ITGAV: variants seen among roughly 807,000 people sequenced by gnomAD.
The protein encoded by ITGAV is integrin alpha-V.
ITGAV carries 76 observed loss-of-function variants against 143.8 expected under a neutral mutation model. The observed-to-expected ratio is 0.53, with a 90% CI of 0.44 to 0.64. The LOEUF is 0.64. Among genes scored for constraint, ITGAV ranks in the 30% least tolerant of loss-of-function variants. The probability of loss-of-function intolerance (pLI) is 0.00; values close to 1 mark genes in which losing one functional copy is unlikely to be tolerated. For missense variants in ITGAV, 1,193 were observed against 1,274.7 expected, an observed-to-expected ratio of 0.94 and a Z score of 0.98; for synonymous variants, 453 against 446.7, an observed-to-expected ratio of 1.01 and a Z score of -0.18.
chr2:186,627,231 C>A (rs1687698882), intron 4 of ITGAV, among the ~76,000 whole-genome samples: 1 of 152,114 alleles, frequency 6.6e-6, no homozygotes, highest in Non-Finnish European at 1.5e-5. Context: ...AGAGAAGTAG[C>A]TGCTATGACC....
At chr2:186,643,805 C>T (rs1362371639) in intron 12 of ITGAV, among the ~76,000 whole-genome samples, 2 of 151,992 alleles carry the variant, frequency 1.3e-5, no homozygotes, top group African/African-American at 2.4e-5. Flanking sequence ...TTTCCAGACT[C>T]GACAGATGAT....
intron 1 of ITGAV, among the ~76,000 whole-genome samples, chr2:186,593,524 G>A (rs1462146100): frequency 6.6e-6 from 1 of 151,744 alleles, no homozygotes; most frequent in African/African-American, 2.4e-5. Context: ...TTTAAAGATT[G>A]TATGCAGGCT....
intron 4 of ITGAV, among the ~76,000 whole-genome samples, chr2:186,627,406 G>A (rs972495208): frequency 1.3e-5 from 2 of 152,148 alleles, no homozygotes; most frequent in Non-Finnish European, 2.9e-5. Context: ...ATTAAGCACA[G>A]CTTTTCTACA....
chr2:186,595,281 G>A (rs1368635450), intron 1 of ITGAV, among the ~76,000 whole-genome samples: 1 of 152,186 alleles, frequency 6.6e-6, no homozygotes, highest in Admixed American at 6.5e-5. Context: ...AGACAAACAA[G>A]TTAGTTTATT....
chr2:186,590,107 G>C lies in ITGAV; in HGVS notation c.-232G>C, dbSNP rs577346869. 81 of 412,496 alleles carry C rather than the reference G, an allele frequency of 2.0e-4. No individual in the cohort carries two copies. The East Asian group carries it at 2.9e-3, about 15-fold the overall frequency. The allele number at this position is 412,496 out of a possible 1,614,324, so 25.6% of individuals were successfully genotyped here. A position where few individuals can be genotyped will look rare whatever the true frequency, so the allele number is the denominator to read the frequency against. Reference sequence around the variant, plus strand: ...AGCGGCGGAGCCGGAGGGAAGCAAAGGACCGTCTGCGCTGCTGTCCCCGCC... The same window carrying C: ...AGCGGCGGAGCCGGAGGGAAGCAAACGACCGTCTGCGCTGCTGTCCCCGCC... On this transcript the variant is annotated 5_prime_UTR_variant, in exon 1 of 30. Coordinates refer to ENST00000261023, the MANE Select transcript of ITGAV (RefSeq NM_002210.5).
chr2:186,606,445 A>G (rs970148315), intron 2 of ITGAV, among the ~76,000 whole-genome samples: 5 of 152,174 alleles, frequency 3.3e-5, no homozygotes, highest in African/African-American at 1.2e-4. Flanking sequence ...GTTAATTTAC[A>G]TATAGGTGAA....
chr2:186,603,295 T>C (rs1686965104), intron 2 of ITGAV, among the ~76,000 whole-genome samples: 1 of 152,218 alleles, frequency 6.6e-6, no homozygotes, highest in Non-Finnish European at 1.5e-5. Context: ...CATATTGTTA[T>C]TTCCTGCCAG....
rs1688908602 is a variant in ITGAV at position 186,666,733 on chromosome 2, C to T, written c.2196C>T (p.His732=). 1 of 1,585,614 alleles carries T rather than the reference C, an allele frequency of 6.3e-7. No homozygotes were observed. Among genetic ancestry groups the T allele is most frequent in the Non-Finnish European group, 8.6e-7 (1 of 1,168,440 alleles). The change falls in exon 22 of 30, where the codon CAC becomes CAT. Residue 732 remains histidine (H), a synonymous_variant. Coordinates refer to ENST00000261023, the MANE Select transcript of ITGAV (RefSeq NM_002210.5). The part of the protein sequence containing the change: ...QLLAGLRFSV[H]QQSEMDTSVK... ...TAGCTGGTCTTCGTTTCAGTGTGCA[C>T]CAGCAGTCAGAGATGGATACTTCTG...
At chr2:186,621,161 G>A (rs545450141) in intron 2 of ITGAV, among the ~76,000 whole-genome samples, 1 of 152,188 alleles carries the variant, frequency 6.6e-6, no homozygotes, top group South Asian at 2.1e-4. Context: ...CATTGGTCTT[G>A]TACATATATT....
intron 16 of ITGAV, 41 bp downstream of exon 16, chr2:186,654,749 G>A (rs1280922706): frequency 2.6e-6 from 2 of 779,096 alleles, no homozygotes. Flanking sequence ...TAATGATACT[G>A]CATACACAGC....
intron 1 of ITGAV, among the ~76,000 whole-genome samples, chr2:186,595,226 A>C (rs1686715628): frequency 6.6e-6 from 1 of 152,222 alleles, no homozygotes; most frequent in Non-Finnish European, 1.5e-5. Context: ...GAGTCAGCTA[A>C]ATATATTAAA....
chr2:186,662,042 C>A (rs1688762190), intron 18 of ITGAV, among the ~76,000 whole-genome samples: 1 of 152,126 alleles, frequency 6.6e-6, no homozygotes, highest in Non-Finnish European at 1.5e-5. Context: ...TGCTTCAATG[C>A]CAGCTAAGTC....
chr2:186,591,810 A>C (rs985032204), intron 1 of ITGAV, among the ~76,000 whole-genome samples: 17 of 152,200 alleles, frequency 1.1e-4, no homozygotes, highest in African/African-American at 3.9e-4. Context: ...TAGCAAGCTT[A>C]GTTTTATTTG....
intron 13 of ITGAV, 64 bp downstream of exon 13, chr2:186,646,941 TA>T: frequency 9.5e-7 from 1 of 1,052,050 alleles, no homozygotes; most frequent in Non-Finnish European, 1.3e-6. Context: ...TAGTATTAGT[TA>T]CTGTTCTTGA....
At position 186,680,098 on chromosome 2, in the gene ITGAV, T is replaced by C. The variant is rs907024721; in HGVS notation, c.*2806T>C. ...TTGTAAGTTGGCAGATCTTCCTAAGTTGCAAAATGTAATGATGAGCTTGGT... is the reference window on the plus strand; with the variant it reads ...TTGTAAGTTGGCAGATCTTCCTAAGCTGCAAAATGTAATGATGAGCTTGGT... On this transcript the variant is annotated 3_prime_UTR_variant, in exon 30 of 30. Coordinates refer to ENST00000261023, the MANE Select transcript of ITGAV (RefSeq NM_002210.5). 2 of 152,090 alleles carry C rather than the reference T, an allele frequency of 1.3e-5. No homozygotes were observed. The highest frequency in any genetic ancestry group is 3.9e-4 in the East Asian group (2 of 5,194). 9.4% of individuals were successfully genotyped at this position (152,090 alleles called of 1,614,324 possible). A position where few individuals can be genotyped will look rare whatever the true frequency, so the allele number is the denominator to read the frequency against.
At chr2:186,602,793 C>T (rs1229133284) in intron 2 of ITGAV, among the ~76,000 whole-genome samples, 1 of 150,864 alleles carries the variant, frequency 6.6e-6, no homozygotes, top group Non-Finnish European at 1.5e-5. Flanking sequence ...AGGAGAATCT[C>T]TTGAACCTGG....
chr2:186,616,252 TCTGAG>T (rs1559044011), intron 2 of ITGAV, among the ~76,000 whole-genome samples: 2 of 151,350 alleles, frequency 1.3e-5, no homozygotes, highest in Non-Finnish European at 2.9e-5. Flanking sequence ...TATTTGCAGC[TCTGAG>T]TCAATGATAT....
chr2:186,660,127 A>G (rs1308781756), intron 18 of ITGAV, among the ~76,000 whole-genome samples: 1 of 152,078 alleles, frequency 6.6e-6, no homozygotes, highest in Non-Finnish European at 1.5e-5. Flanking sequence ...GCTTTCATAT[A>G]TGGGTTATGG....
At chr2:186,654,623 TTATG>T in intron 15 of ITGAV, 23 bp from the exon 16 acceptor site, 1 of 1,220,630 alleles carries the variant, frequency 8.2e-7, no homozygotes, top group South Asian at 1.3e-5. Context: ...ATTATAGAAT[TTATG>T]TATGTTTTTT....
Sources: allele counts gnomAD v4.1 joint callset (sites outside exome capture counted in the v4.1 genomes callset), GRCh38; gene constraint gnomAD v4.1.1; transcripts MANE v1.5; gene names NCBI Gene and HGNC (gene_info 2026-07-23, HGNC 2026-07-21).